The following KANSL1 variants were observed in gnomAD, a reference collection of about 807,000 sequenced individuals.
KANSL1 encodes the protein MLL1/MLL complex subunit KANSL1.
In KANSL1, 22 loss-of-function variants were observed where a neutral mutation model predicts 103.6. That is an observed-to-expected ratio of 0.21 (90% CI 0.15 to 0.30). The LOEUF is 0.30. KANSL1 is among the 10% of genes least tolerant of loss of function. The pLI is 1.00. For synonymous variants in KANSL1, 600 were observed against 527.6 expected, an observed-to-expected ratio of 1.14 and a Z score of -1.88; for missense variants, 1,337 against 1,399.8, an observed-to-expected ratio of 0.96 and a Z score of 0.72.
intron 2 of KANSL1, among the ~76,000 whole-genome samples, chr17:46,119,666 T>C (rs111678697): frequency 0.14 from 21,663 of 151,978 alleles, 2,123 homozygotes; most frequent in Non-Finnish European, 0.22. Context: ...CAAATTCCAA[T>C]CTTTCATCTA....
chr17:46,134,179 C>A (rs2044007073), intron 2 of KANSL1, among the ~76,000 whole-genome samples: 1 of 152,064 alleles, frequency 6.6e-6, no homozygotes, highest in South Asian at 2.1e-4. Context: ...AGGCGGATCA[C>A]CTGAGGTCAG....
chr17:46,161,437 A>G (rs1468526735), intron 2 of KANSL1, among the ~76,000 whole-genome samples: 2 of 149,936 alleles, frequency 1.3e-5, no homozygotes, highest in Non-Finnish European at 3.0e-5. Flanking sequence ...CTCTGTCTCA[A>G]AAAAAAAAAA....
At chr17:46,075,403 C>T (rs2078727867) in intron 4 of KANSL1, among the ~76,000 whole-genome samples, 1 of 145,990 alleles carries the variant, frequency 6.8e-6, no homozygotes, top group Non-Finnish European at 1.6e-5. Context: ...GTGGCACAAT[C>T]TTGGCTCATT....
chr17:46,190,481 A>G (rs1289512528), intron 1 of KANSL1, among the ~76,000 whole-genome samples: 1 of 152,248 alleles, frequency 6.6e-6, no homozygotes, highest in East Asian at 1.9e-4. Context: ...AAACTTCTAA[A>G]ATACTTCACT....
intron 2 of KANSL1, among the ~76,000 whole-genome samples, chr17:46,111,162 C>T (rs1365628926): frequency 1.3e-5 from 2 of 152,196 alleles, no homozygotes; most frequent in Non-Finnish European, 2.9e-5. Flanking sequence ...AAATTTGACA[C>T]AATAATTTGA....
At chr17:46,034,038 G>C in intron 11 of KANSL1, 123 bp downstream of exon 11, 1 of 1,230,572 alleles carries the variant, frequency 8.1e-7, no homozygotes, top group Non-Finnish European at 1.1e-6. Context: ...TATCAGATAA[G>C]AATTTCTCTT....
chr17:46,210,499 A>ATAAATATGTG lies in KANSL1; in HGVS notation c.-90+13171_-90+13172insCACATATTTA, dbSNP rs1567806897. 1.8e-4 allele frequency among the ~76,000 whole-genome samples: 14 copies of ATAAATATGTG among 79,762 alleles called. 3 individuals carry two copies. Among genetic ancestry groups the ATAAATATGTG allele is most frequent in the South Asian group, 1.5e-3 (4 of 2,644 alleles). The allele number at this position is 79,762 out of a possible 152,430, so 52.3% of individuals were successfully genotyped here. A position where few individuals can be genotyped will look rare whatever the true frequency, so the allele number is the denominator to read the frequency against. ...AAAAAAAAAAAAAAAAAAAAAAAAA[A>ATAAATATGTG]AAAGACCTGAGTGGCCACAGGATGA... On this transcript the variant is annotated intron_variant, in intron 1 of 14. Transcript: ENST00000572904.
intron 2 of KANSL1, among the ~76,000 whole-genome samples, chr17:46,127,020 C>T (rs2043597335): frequency 6.6e-6 from 1 of 152,226 alleles, no homozygotes; most frequent in African/African-American, 2.4e-5. Flanking sequence ...ACAACTGGCT[C>T]TCTCATCAGA....
intron 4 of KANSL1, among the ~76,000 whole-genome samples, chr17:46,075,352 T>C (rs2078724895): frequency 6.7e-6 from 1 of 149,090 alleles, no homozygotes; most frequent in South Asian, 2.1e-4. Flanking sequence ...ACTCTCTCTT[T>C]CTTTCTGACA....
At chr17:46,132,082 G>A (rs578103001) in intron 2 of KANSL1, among the ~76,000 whole-genome samples, 91 of 152,096 alleles carry the variant, frequency 6.0e-4, no homozygotes, top group African/African-American at 2.0e-3. Flanking sequence ...AGTCAAGATC[G>A]TGCCATTGCA....
chr17:46,146,318 C>T (rs2044696609), intron 2 of KANSL1, among the ~76,000 whole-genome samples: 1 of 152,206 alleles, frequency 6.6e-6, no homozygotes, highest in African/African-American at 2.4e-5. Context: ...ATCTTATCAG[C>T]TCTATTTACA....
chr17:46,191,924 G>A (rs1228797682), intron 1 of KANSL1, among the ~76,000 whole-genome samples: 1 of 145,146 alleles, frequency 6.9e-6, no homozygotes, highest in East Asian at 2.2e-4. Context: ...CAGCCCCTAC[G>A]AGTTGTGCTT....
intron 2 of KANSL1, among the ~76,000 whole-genome samples, chr17:46,126,578 A>AG (rs965433121): frequency 2.0e-5 from 3 of 152,344 alleles, no homozygotes; most frequent in Admixed American, 1.3e-4. Flanking sequence ...TGGCAAATAA[A>AG]GGGGGGCTTT....
chr17:46,169,829 T>C (rs1253229681), intron 2 of KANSL1, among the ~76,000 whole-genome samples: 1 of 152,228 alleles, frequency 6.6e-6, no homozygotes, highest in African/African-American at 2.4e-5. Flanking sequence ...CATGCCAATT[T>C]GGAGTGCCAC....
intron 2 of KANSL1, among the ~76,000 whole-genome samples, chr17:46,131,318 C>T (rs1296134514): frequency 2.6e-5 from 4 of 152,216 alleles, no homozygotes; most frequent in African/African-American, 7.2e-5. Context: ...GTCCATCTAA[C>T]ATCCAGTTTC....
intron 2 of KANSL1, among the ~76,000 whole-genome samples, chr17:46,166,212 T>TAAAAAAAAAAAA (rs2045989071): frequency 1.6e-5 from 1 of 63,236 alleles, no homozygotes; most frequent in Admixed American, 2.0e-4. Flanking sequence ...AGACTCTGTC[T>TAAAAAAAAAAAA]CAAAAAAAAA....
chr17:46,214,470 A>G (rs1472028924), intron 1 of KANSL1, among the ~76,000 whole-genome samples: 1 of 152,234 alleles, frequency 6.6e-6, no homozygotes, highest in East Asian at 1.9e-4. Flanking sequence ...CCTGACCAAC[A>G]TGGTGACACC....
At chr17:46,036,670 C>CACTGCAGAT (rs997651679) in intron 10 of KANSL1, among the ~76,000 whole-genome samples, 2 of 152,080 alleles carry the variant, frequency 1.3e-5, no homozygotes, top group African/African-American at 2.4e-5. Context: ...AACCAATCCC[C>CACTGCAGAT]ACTGCAGATA....
intron 1 of KANSL1, among the ~76,000 whole-genome samples, chr17:46,174,572 G>A (rs1050936404): frequency 1.3e-5 from 2 of 152,256 alleles, no homozygotes; most frequent in Non-Finnish European, 2.9e-5. Flanking sequence ...AATGTAATGT[G>A]TAACATTTGG....
Sources: allele counts gnomAD v4.1 joint callset (sites outside exome capture counted in the v4.1 genomes callset), GRCh38; gene constraint gnomAD v4.1.1; transcripts MANE v1.5; gene names NCBI Gene and HGNC (gene_info 2026-07-23, HGNC 2026-07-21).